LDB2: variants seen among roughly 807,000 people sequenced by gnomAD.
LDB2 encodes the protein LIM domain-binding protein 2.
In LDB2, 12 loss-of-function variants were observed where a neutral mutation model predicts 44.3. That is an observed-to-expected ratio of 0.27 (90% CI 0.17 to 0.44). The LOEUF is 0.44. Ranked by LOEUF, LDB2 falls within the 20% of genes least tolerant of loss-of-function variation. The probability of loss-of-function intolerance (pLI) is 1.00; values close to 1 mark genes in which losing one functional copy is unlikely to be tolerated. For synonymous variants in LDB2, 164 were observed against 174.8 expected (o/e 0.94, Z 0.49); for missense variants, 344 against 473.5 (o/e 0.73, Z 2.54).
intron 5 of LDB2, among the ~76,000 whole-genome samples, chr4:16,535,841 T>C (rs574426710): frequency 1.7e-3 from 260 of 152,310 alleles, no homozygotes; most frequent in African/African-American, 6.0e-3. Flanking sequence ...GTAGAAAGCT[T>C]AGATGCTTTT....
At chr4:16,623,952 A>T (rs1729592743) in intron 2 of LDB2, among the ~76,000 whole-genome samples, 1 of 152,206 alleles carries the variant, frequency 6.6e-6, no homozygotes, top group Non-Finnish European at 1.5e-5. Context: ...AAAAGCAGAG[A>T]TCCTACCACA....
rs551838561 is a variant in LDB2 at position 16,673,464 on chromosome 4, G to C, written c.236-77589C>G. Among the ~76,000 whole-genome samples the C allele has an allele frequency of 1.1e-3, 163 of 152,254 alleles. 2 individuals are homozygous for C. In the South Asian group the frequency reaches 0.013, roughly 12 times the overall value. Reference sequence around the variant, plus strand: ...TGTCGCTTTTGAAACGGGTCACAACGCGGAAAAGGCTTAGGTCTTCTCACA... The same window carrying C: ...TGTCGCTTTTGAAACGGGTCACAACCCGGAAAAGGCTTAGGTCTTCTCACA... On this transcript the variant is annotated intron_variant, in intron 2 of 7. Coordinates refer to ENST00000304523, the MANE Select transcript of LDB2 (RefSeq NM_001290.5).
intron 1 of LDB2, among the ~76,000 whole-genome samples, chr4:16,794,088 G>C (rs1272150290): frequency 6.6e-6 from 1 of 152,148 alleles, no homozygotes; most frequent in Non-Finnish European, 1.5e-5. Context: ...AAAGGGGACA[G>C]CACTGCTCTC....
At chr4:16,695,116 G>A (rs1243921727) in intron 2 of LDB2, among the ~76,000 whole-genome samples, 1 of 152,170 alleles carries the variant, frequency 6.6e-6, no homozygotes. Context: ...CTCAAGAGGG[G>A]GCTTCAGCCA....
chr4:16,851,241 C>T (rs748871527), intron 1 of LDB2, among the ~76,000 whole-genome samples: 2 of 151,952 alleles, frequency 1.3e-5, no homozygotes, highest in African/African-American at 4.8e-5. Context: ...GAAAAATTAA[C>T]ATATGCTCTC....
chr4:16,887,731 T>C (rs1487823355), intron 1 of LDB2, among the ~76,000 whole-genome samples: 2 of 152,092 alleles, frequency 1.3e-5, no homozygotes, highest in Non-Finnish European at 2.9e-5. Context: ...ATTTAACGTT[T>C]GAGCTACACA....
rs149920528 is a variant in LDB2 at position 16,616,169 on chromosome 4, C to A, written c.236-20294G>T. On this transcript the variant is annotated intron_variant, in intron 2 of 7. Transcript: ENST00000304523. ...AATACAAGCTCCAGAAAGGGAAGAA[C>A]CATGTCTTTTTGTTACTGGTTATTC... 1.6e-4 allele frequency among the ~76,000 whole-genome samples: 25 copies of A among 152,216 alleles called. No homozygotes were observed. In the East Asian group the frequency reaches 4.8e-3, roughly 29 times the overall value.
chr4:16,667,930 C>T (rs993745017), intron 2 of LDB2, among the ~76,000 whole-genome samples: 12 of 152,112 alleles, frequency 7.9e-5, no homozygotes, highest in East Asian at 3.9e-4. Context: ...TCACCTTCCA[C>T]GATCACCACA....
intron 5 of LDB2, among the ~76,000 whole-genome samples, chr4:16,548,866 G>A (rs1736689672): frequency 6.6e-6 from 1 of 152,188 alleles, no homozygotes; most frequent in South Asian, 2.1e-4. Context: ...GTGTGCTAGT[G>A]GCAGAGATGT....
intron 1 of LDB2, among the ~76,000 whole-genome samples, chr4:16,781,077 T>C (rs1773115627): frequency 6.6e-6 from 1 of 152,160 alleles, no homozygotes; most frequent in Admixed American, 6.5e-5. Context: ...ATGGTTCTGG[T>C]CCTCTATTTT....
At chr4:16,504,710 T>A (rs540326705) in intron 7 of LDB2, among the ~76,000 whole-genome samples, 139 of 152,202 alleles carry the variant, frequency 9.1e-4, no homozygotes, top group Non-Finnish European at 1.7e-3. Flanking sequence ...TGGTATTCAG[T>A]TAGCTGGGCA....
At chr4:16,709,871 C>T (rs1326537892) in intron 2 of LDB2, among the ~76,000 whole-genome samples, 1 of 152,114 alleles carries the variant, frequency 6.6e-6, no homozygotes, top group Non-Finnish European at 1.5e-5. Flanking sequence ...CTCCAGTTCA[C>T]CAGGTTCTCT....
chr4:16,711,559 G>A lies in LDB2; in HGVS notation c.235+47599C>T, dbSNP rs140068921. Among the ~76,000 whole-genome samples the A allele has an allele frequency of 6.0e-3, 918 of 152,306 alleles. 4 individuals are homozygous for A. Among genetic ancestry groups the A allele is most frequent in the Middle Eastern group, 0.014 (4 of 294 alleles). The stretch of plus-strand genomic sequence containing the variant: ...TACACAGGGGTGACAAGTCTGATCT[G>A]GGTTTTAACAAGGTCTCCCTGGATG... On this transcript the variant is annotated intron_variant, in intron 2 of 7. Coordinates refer to ENST00000304523, the MANE Select transcript of LDB2 (RefSeq NM_001290.5).
chr4:16,761,363 G>A (rs1257820279), intron 1 of LDB2, among the ~76,000 whole-genome samples: 1 of 152,174 alleles, frequency 6.6e-6, no homozygotes, highest in East Asian at 1.9e-4. Context: ...CAGCAAGAGG[G>A]GAGAAAGAGT....
At chr4:16,624,770 A>G (rs1318794820) in intron 2 of LDB2, among the ~76,000 whole-genome samples, 1 of 152,246 alleles carries the variant, frequency 6.6e-6, no homozygotes, top group South Asian at 2.1e-4. Context: ...CACATTATAA[A>G]TGAGCAATGA....
At chr4:16,773,197 T>C (rs1771082122) in intron 1 of LDB2, among the ~76,000 whole-genome samples, 1 of 152,094 alleles carries the variant, frequency 6.6e-6, no homozygotes, top group South Asian at 2.1e-4. Context: ...GAGGAGAAAA[T>C]GCTATAAGCC....
intron 2 of LDB2, among the ~76,000 whole-genome samples, chr4:16,608,436 G>C (rs974467397): frequency 6.6e-6 from 1 of 152,122 alleles, no homozygotes; most frequent in African/African-American, 2.4e-5. Flanking sequence ...GCAGCAGGAC[G>C]GAACAGCCCA....
chr4:16,847,129 GT>G, intron 1 of LDB2, among the ~76,000 whole-genome samples: 1 of 152,128 alleles, frequency 6.6e-6, no homozygotes, highest in Non-Finnish European at 1.5e-5. Context: ...CCCCGTAATT[GT>G]TTTTATGGCA....
At chr4:16,618,746 T>C (rs1728061293) in intron 2 of LDB2, among the ~76,000 whole-genome samples, 1 of 152,154 alleles carries the variant, frequency 6.6e-6, no homozygotes, top group Non-Finnish European at 1.5e-5. Context: ...CCAGGTGATA[T>C]GGTGTGGCTC....
Sources: gnomAD v4.1 joint callset for allele counts (sites outside exome capture counted in the v4.1 genomes callset) on GRCh38, gnomAD v4.1.1 for gene constraint, MANE v1.5 for transcripts, NCBI Gene and HGNC (gene_info 2026-07-23, HGNC 2026-07-21) for gene names.